The following KRTAP17-1 variants were observed in gnomAD, a reference collection of about 807,000 sequenced individuals.
The protein encoded by KRTAP17-1 is keratin associated protein 17-1, also known as keratin-associated protein 17-1.
KRTAP17-1 carries 2 observed loss-of-function variants against 10.4 expected under a neutral mutation model. The ratio of observed to expected loss-of-function variants is 0.19; its 90% CI spans 0.08 to 0.61. The LOEUF (loss-of-function observed/expected upper bound fraction) is 0.61, where lower values mean the gene tolerates loss of function less well. Ranked by LOEUF, KRTAP17-1 falls within the 20% of genes least tolerant of loss-of-function variation. KRTAP17-1 has a pLI of 0.89. For synonymous variants in KRTAP17-1, 62 were observed against 52.7 expected (o/e 1.18, Z -0.77); for missense variants, 143 against 136.8 (o/e 1.05, Z -0.23).
In KRTAP17-1 at chr17:41,315,635, C is replaced by T. The variant is rs1490750422; in HGVS notation, c.16G>A (p.Gly6Arg). Residue 6 changes from glycine to arginine, a missense_variant, in exon 1 of 1, where the codon GGG (glycine) becomes AGG (arginine). Gly to Arg is a moderately radical substitution (Grantham distance 125, BLOSUM62 -2). Coordinates refer to ENST00000334202, the MANE Select transcript of KRTAP17-1 (RefSeq NM_031964.2). The part of the protein sequence containing the change: MGCCP[G>R]DCFTCCTQEQ... Reference sequence around the variant, plus strand: ...TGGGTGCAGCAGGTGAAGCAGTCCCCCGGGCAGCACCCCATGGTCCGGGCC... The same window carrying T: ...TGGGTGCAGCAGGTGAAGCAGTCCCTCGGGCAGCACCCCATGGTCCGGGCC... The T allele has an allele frequency of 1.9e-6, 3 of 1,605,956 alleles. No homozygotes were observed. In the Middle Eastern group the frequency reaches 5.0e-4, roughly 267 times the overall value.
rs1461742000 is a variant in KRTAP17-1 at position 41,315,359 on chromosome 17, G to A, written c.292C>T (p.Pro98Ser). 1 of 1,610,048 alleles carries A rather than the reference G, an allele frequency of 6.2e-7. No homozygotes were observed. Among genetic ancestry groups the A allele is most frequent in the African/African-American group, 1.3e-5 (1 of 74,864 alleles). Residue 98 changes from proline to serine, a missense_variant, in exon 1 of 1, where the codon CCC becomes TCC. By Grantham distance (74) the Pro-to-Ser change is moderately conservative. Transcript: ENST00000334202. ...CATTTTGTGTCGCATATAGGTGTGG[G>A]CTGGCAGCACACAGGCCCACAGCAC... ...SGCCGPVCCQ[P>S]TPICDTK
rs1184648712 is a variant in KRTAP17-1 at position 41,314,964 on chromosome 17, AC to A, written c.*368del. 1.0e-5 allele frequency: 2 copies of A among 198,924 alleles called. No homozygotes were observed. The highest frequency in any genetic ancestry group is 2.3e-5 in the African/African-American group (1 of 43,344). The allele number at this position is 198,924 out of a possible 1,614,324, so 12.3% of individuals were successfully genotyped here. A position where few individuals can be genotyped will look rare whatever the true frequency, so the allele number is the denominator to read the frequency against. On this transcript the variant is annotated 3_prime_UTR_variant, in exon 1 of 1. Transcript: ENST00000334202. Reference sequence around the variant, plus strand: ...ATTAAGAGGCTCACAAAGAAGATGGACCTTTTTTGCATCTCAAAGCTGCAGA... The same window carrying A: ...ATTAAGAGGCTCACAAAGAAGATGGACTTTTTTGCATCTCAAAGCTGCAGA...
rs891273657 is a variant in KRTAP17-1, at chr17:41,315,163, G to A, written c.*170C>T. The A allele has an allele frequency of 6.2e-6, 4 of 644,728 alleles. No individual in the cohort carries two copies. The highest frequency in any genetic ancestry group is 7.9e-6 in the Non-Finnish European group (3 of 379,370). The allele number at this position is 644,728 out of a possible 1,614,324, so 39.9% of individuals were successfully genotyped here. On this transcript the variant is annotated 3_prime_UTR_variant, in exon 1 of 1. Coordinates refer to ENST00000334202, the MANE Select transcript of KRTAP17-1 (RefSeq NM_031964.2). ...TCATCAGAGTATGGCTCTTGTTCTCGGTGCCTTGAAATACCAGAGAAGGTG... is the reference window on the plus strand; with the variant it reads ...TCATCAGAGTATGGCTCTTGTTCTCAGTGCCTTGAAATACCAGAGAAGGTG...
chr17:41,315,061 C>T lies in KRTAP17-1; in HGVS notation c.*272G>A. 2.1e-6 allele frequency: 1 copy of T among 469,408 alleles called. No individual in the cohort carries two copies. 29.1% of individuals were successfully genotyped at this position (469,408 alleles called of 1,614,324 possible). ...ATGTCTTATAGTACAAGACATTGAACTTCATGTGAATAAGTAAAGTATTGG... is the reference window on the plus strand; with the variant it reads ...ATGTCTTATAGTACAAGACATTGAATTTCATGTGAATAAGTAAAGTATTGG... On this transcript the variant is annotated 3_prime_UTR_variant, in exon 1 of 1. Transcript: ENST00000334202.
chr17:41,315,354 T>C lies in KRTAP17-1; in HGVS notation c.297A>G (p.Thr99=), dbSNP rs763369742. The change falls in exon 1 of 1, where the codon ACA becomes ACG. Residue 99 remains threonine, a synonymous_variant. Transcript: ENST00000334202. The part of the protein sequence containing the change: ...GCCGPVCCQP[T]PICDTK ...GTCTTCATTTTGTGTCGCATATAGG[T>C]GTGGGCTGGCAGCACACAGGCCCAC... 353 of 1,609,488 alleles carry C rather than the reference T, an allele frequency of 2.2e-4. No individual in the cohort carries two copies. Among genetic ancestry groups the C allele is most frequent in the Non-Finnish European group, 2.7e-4 (324 of 1,179,642 alleles).
Position 41,315,390 on chromosome 17 carries a change from G to A in KRTAP17-1, c.261C>T (p.Gly87=). The change falls in exon 1 of 1, where the codon GGC becomes GGT. Residue 87 remains glycine, a synonymous_variant. Coordinates refer to ENST00000334202, the MANE Select transcript of KRTAP17-1 (RefSeq NM_031964.2). ...AGCACACAGGCCCACAGCACCCGGAGCCGCAGCAACTGGACCCACAGCAAC... is the reference window on the plus strand; with the variant it reads ...AGCACACAGGCCCACAGCACCCGGAACCGCAGCAACTGGACCCACAGCAAC... ...GSSCCGSSCC[G]SGCCGPVCCQ... is the part of the protein sequence containing the mutation. 1 of 1,612,542 alleles carries A rather than the reference G, an allele frequency of 6.2e-7. No homozygotes were observed. Among genetic ancestry groups the A allele is most frequent in the Non-Finnish European group, 8.5e-7 (1 of 1,179,950 alleles).
In KRTAP17-1 at chr17:41,315,345, G is replaced by T. The variant is rs1200879338; in HGVS notation, c.306C>A (p.Cys102Ter). Reference protein sequence around the residue: ...GPVCCQPTPICDTK With the variant: ...GPVCCQPTPI ...GAGGGAAAGGTCTTCATTTTGTGTCGCATATAGGTGTGGGCTGGCAGCACA... is the reference window on the plus strand; with the variant it reads ...GAGGGAAAGGTCTTCATTTTGTGTCTCATATAGGTGTGGGCTGGCAGCACA... The change falls in exon 1 of 1, where the codon TGC becomes TGA. Residue 102 changes from cysteine (C) to a stop codon, truncating the protein, a stop_gained. Coordinates refer to ENST00000334202, the MANE Select transcript of KRTAP17-1 (RefSeq NM_031964.2). LOFTEE classifies it high-confidence loss of function. 5 of 1,607,210 alleles carry T rather than the reference G, an allele frequency of 3.1e-6. No individual in the cohort carries two copies. The highest frequency in any genetic ancestry group is 3.4e-6 in the Non-Finnish European group (4 of 1,179,030).
chr17:41,315,077 A>G lies in KRTAP17-1; in HGVS notation c.*256T>C. 1 of 493,174 alleles carries G rather than the reference A, an allele frequency of 2.0e-6. No individual in the cohort carries two copies. The highest frequency in any genetic ancestry group is 3.6e-6 in the Non-Finnish European group (1 of 278,130). 30.5% of individuals were successfully genotyped at this position (493,174 alleles called of 1,614,324 possible). On this transcript the variant is annotated 3_prime_UTR_variant, in exon 1 of 1. Transcript: ENST00000334202. ...GACATTGAACTTCATGTGAATAAGT[A>G]AAGTATTGGGGATTCACCCTTGAGC...
In KRTAP17-1 at chr17:41,315,682, C is replaced by T. The variant is rs911560356; in HGVS notation, c.-32G>A. On this transcript the variant is annotated 5_prime_UTR_variant, in exon 1 of 1. Coordinates refer to ENST00000334202, the MANE Select transcript of KRTAP17-1 (RefSeq NM_031964.2). ...GGCCCGTCAGCTCGCAGGTCGGTAA[C>T]GCAGCCGGAGTTCCCCACGACTGAC... 2 of 1,555,926 alleles carry T rather than the reference C, an allele frequency of 1.3e-6. No individual in the cohort carries two copies. Among genetic ancestry groups the T allele is most frequent in the Non-Finnish European group, 1.7e-6 (2 of 1,146,942 alleles).
chr17:41,315,101 G>A lies in KRTAP17-1; in HGVS notation c.*232C>T. The A allele has an allele frequency of 1.8e-6, 1 of 557,734 alleles. No homozygotes were observed. Among genetic ancestry groups the A allele is most frequent in the Non-Finnish European group, 3.2e-6 (1 of 314,356 alleles). The allele number at this position is 557,734 out of a possible 1,614,324, so 34.5% of individuals were successfully genotyped here. A position where few individuals can be genotyped will look rare whatever the true frequency, so the allele number is the denominator to read the frequency against. ...TAAAGTATTGGGGATTCACCCTTGA[G>A]CTTGGGATCACTTAGTTGTGACCGA... On this transcript the variant is annotated 3_prime_UTR_variant, in exon 1 of 1. Coordinates refer to ENST00000334202, the MANE Select transcript of KRTAP17-1 (RefSeq NM_031964.2).
rs542247694 is a variant in KRTAP17-1 at position 41,315,530 on chromosome 17, A to G, written c.121T>C (p.Ser41Pro). The change falls in exon 1 of 1, where the codon TCT (serine) becomes CCT (proline). Residue 41 changes from serine (S) to proline (P), a missense_variant. By Grantham distance (74) the Ser-to-Pro change is moderately conservative (BLOSUM62 -1). Coordinates refer to ENST00000334202, the MANE Select transcript of KRTAP17-1 (RefSeq NM_031964.2). ...CCGSCCGCGG[S>P]GCGGSGCGGS... ...CCGCAGCCAGAGCCCCCGCAGCCAG[A>G]GCCCCCACAGCCACAGCAGGAGCCG... 6.2e-7 allele frequency: 1 copy of G among 1,607,874 alleles called. No individual in the cohort carries two copies. Among genetic ancestry groups the G allele is most frequent in the Admixed American group, 1.7e-5 (1 of 59,322 alleles).
chr17:41,315,447 G>A lies in KRTAP17-1; in HGVS notation c.204C>T (p.Cys68=). ...CGSGCGGCGG[C]GGCGGGCCGS... ...CACAGCAGCCACCCCCGCAGCCTCC[G>A]CAGCCTCCACAGCCTCCGCAGCCAG... The change falls in exon 1 of 1, where the codon TGC becomes TGT. Residue 68 remains cysteine, a synonymous_variant. Transcript: ENST00000334202. 1.2e-6 allele frequency: 2 copies of A among 1,604,324 alleles called. No homozygotes were observed. Among genetic ancestry groups the A allele is most frequent in the Non-Finnish European group, 1.7e-6 (2 of 1,175,998 alleles).
At position 41,315,517 on chromosome 17, in the gene KRTAP17-1, C is replaced by G. The variant is rs371134474; in HGVS notation, c.134G>C (p.Gly45Ala). The part of the protein sequence containing the change: ...CCGCGGSGCG[G>A]SGCGGSCCGS... ...GCAGCAGCTGCCCCCGCAGCCAGAGCCCCCGCAGCCAGAGCCCCCACAGCC... is the reference window on the plus strand; with the variant it reads ...GCAGCAGCTGCCCCCGCAGCCAGAGGCCCCGCAGCCAGAGCCCCCACAGCC... Residue 45 changes from glycine to alanine, a missense_variant, in exon 1 of 1, where the codon GGC becomes GCC. By Grantham distance (60) the Gly-to-Ala change is moderately conservative. Transcript: ENST00000334202. 435 of 1,598,136 alleles carry G rather than the reference C, an allele frequency of 2.7e-4. No individual in the cohort carries two copies. In the African/African-American group the frequency reaches 4.3e-3, roughly 16 times the overall value.
rs2017044235 is a variant in KRTAP17-1 at position 41,315,353 on chromosome 17, G to A, written c.298C>T (p.Pro100Ser). ...CCGPVCCQPT[P>S]ICDTK Reference sequence around the variant, plus strand: ...GGTCTTCATTTTGTGTCGCATATAGGTGTGGGCTGGCAGCACACAGGCCCA... The same window carrying A: ...GGTCTTCATTTTGTGTCGCATATAGATGTGGGCTGGCAGCACACAGGCCCA... The change falls in exon 1 of 1, where the codon CCT (proline) becomes TCT (serine). Residue 100 changes from proline to serine, a missense_variant. Coordinates refer to ENST00000334202, the MANE Select transcript of KRTAP17-1 (RefSeq NM_031964.2). 11 of 1,609,764 alleles carry A rather than the reference G, an allele frequency of 6.8e-6. No individual in the cohort carries two copies. The highest frequency in any genetic ancestry group is 1.3e-5 in the African/African-American group (1 of 75,004).
rs904978415 is a variant in KRTAP17-1 at position 41,315,066 on chromosome 17, T to C, written c.*267A>G. On this transcript the variant is annotated 3_prime_UTR_variant, in exon 1 of 1. Coordinates refer to ENST00000334202, the MANE Select transcript of KRTAP17-1 (RefSeq NM_031964.2). ...TTATAGTACAAGACATTGAACTTCATGTGAATAAGTAAAGTATTGGGGATT... is the reference window on the plus strand; with the variant it reads ...TTATAGTACAAGACATTGAACTTCACGTGAATAAGTAAAGTATTGGGGATT... The C allele has an allele frequency of 4.2e-6, 2 of 477,222 alleles. No homozygotes were observed. The highest frequency in any genetic ancestry group is 7.5e-6 in the Non-Finnish European group (2 of 268,442). 29.6% of individuals were successfully genotyped at this position (477,222 alleles called of 1,614,324 possible).
In KRTAP17-1 at chr17:41,315,527, C is replaced by A. The variant is rs1396800764; in HGVS notation, c.124G>T (p.Gly42Cys). The A allele has an allele frequency of 1.2e-6, 2 of 1,607,194 alleles. No individual in the cohort carries two copies. The highest frequency in any genetic ancestry group is 2.2e-5 in the South Asian group (2 of 90,474). Reference protein sequence around the residue: ...CGSCCGCGGSGCGGSGCGGSC... With the variant: ...CGSCCGCGGSCCGGSGCGGSC... ...CCCCCGCAGCCAGAGCCCCCGCAGC[C>A]AGAGCCCCCACAGCCACAGCAGGAG... The change falls in exon 1 of 1, where the codon GGC becomes TGC. Residue 42 changes from glycine (G) to cysteine (C), a missense_variant. Gly to Cys is a radical substitution (Grantham distance 159). Transcript: ENST00000334202.
At position 41,315,071 on chromosome 17, in the gene KRTAP17-1, A is replaced by G; in HGVS notation, c.*262T>C. 2.1e-6 allele frequency: 1 copy of G among 481,428 alleles called. No homozygotes were observed. Among genetic ancestry groups the G allele is most frequent in the Non-Finnish European group, 3.7e-6 (1 of 271,116 alleles). The allele number at this position is 481,428 out of a possible 1,614,324, so 29.8% of individuals were successfully genotyped here. On this transcript the variant is annotated 3_prime_UTR_variant, in exon 1 of 1. Coordinates refer to ENST00000334202, the MANE Select transcript of KRTAP17-1 (RefSeq NM_031964.2). ...GTACAAGACATTGAACTTCATGTGA[A>G]TAAGTAAAGTATTGGGGATTCACCC...
Position 41,315,326 on chromosome 17 carries a change from A to G in KRTAP17-1, c.*7T>C, listed in dbSNP as rs1178741376. 14 of 1,596,816 alleles carry G rather than the reference A, an allele frequency of 8.8e-6. No individual in the cohort carries two copies. The highest frequency in any genetic ancestry group is 1.2e-5 in the Non-Finnish European group (14 of 1,174,380). On this transcript the variant is annotated 3_prime_UTR_variant, in exon 1 of 1. Coordinates refer to ENST00000334202, the MANE Select transcript of KRTAP17-1 (RefSeq NM_031964.2). ...TGGGACTGCATCAGTGGTGGAGGGA[A>G]AGGTCTTCATTTTGTGTCGCATATA...
At position 41,315,020 on chromosome 17, in the gene KRTAP17-1, C is replaced by T. The variant is rs982710693; in HGVS notation, c.*313G>A. Reference sequence around the variant, plus strand: ...CAGGGCGGAGGATCAGTCCCAAAGACACCTTGAAGAAGAGGATGTCTTATA... The same window carrying T: ...CAGGGCGGAGGATCAGTCCCAAAGATACCTTGAAGAAGAGGATGTCTTATA... On this transcript the variant is annotated 3_prime_UTR_variant, in exon 1 of 1. Transcript: ENST00000334202. The T allele has an allele frequency of 7.3e-5, 22 of 301,696 alleles. No homozygotes were observed. The highest frequency in any genetic ancestry group is 5.1e-4 in the Admixed American group (11 of 21,522). The allele number at this position is 301,696 out of a possible 1,614,324, so 18.7% of individuals were successfully genotyped here.
Sources: allele counts gnomAD v4.1 joint callset, GRCh38; gene constraint gnomAD v4.1.1; transcripts MANE v1.5; gene names NCBI Gene and HGNC (gene_info 2026-07-23, HGNC 2026-07-21).